MAST2: variants seen among roughly 807,000 people sequenced by gnomAD.
MAST2 encodes microtubule-associated serine/threonine-protein kinase 2.
Under a neutral mutation model 147.4 loss-of-function variants are expected in MAST2, and 70 were observed. The observed-to-expected ratio is 0.47, with a 90% CI of 0.39 to 0.58. The LOEUF (loss-of-function observed/expected upper bound fraction) is 0.58. Among genes scored for constraint, MAST2 ranks in the 20% least tolerant of loss-of-function variants. MAST2 has a pLI of 0.00. For missense variants in MAST2, 2,080 were observed against 2,302.3 expected (o/e 0.90, Z 1.98); for synonymous variants, 869 against 896.8 (o/e 0.97, Z 0.55).
chr1:45,975,053 A>C (rs1233530866), intron 5 of MAST2, among the ~76,000 whole-genome samples: 1 of 152,200 alleles, frequency 6.6e-6, no homozygotes, highest in Admixed American at 6.5e-5. Flanking sequence ...GAAATGAGCC[A>C]GCAGGATGTC....
intron 3 of MAST2, among the ~76,000 whole-genome samples, chr1:45,879,155 A>T (rs2148263610): frequency 6.6e-6 from 1 of 152,304 alleles, no homozygotes; most frequent in South Asian, 2.1e-4. Context: ...GGTTAAAAAA[A>T]AAATTGTTAG....
chr1:46,007,380 C>G (rs1250021018), intron 8 of MAST2, among the ~76,000 whole-genome samples: 1 of 152,160 alleles, frequency 6.6e-6, no homozygotes, highest in Non-Finnish European at 1.5e-5. Flanking sequence ...GTGCCTTTCT[C>G]TGTGTCACAG....
intron 4 of MAST2, among the ~76,000 whole-genome samples, chr1:45,924,044 G>A (rs1653962887): frequency 6.6e-6 from 1 of 152,010 alleles, no homozygotes; most frequent in East Asian, 1.9e-4. Flanking sequence ...GCTAATTTTT[G>A]TATTTTTAGT....
At chr1:45,861,007 A>T (rs766978607) in intron 3 of MAST2, among the ~76,000 whole-genome samples, 4 of 152,140 alleles carry the variant, frequency 2.6e-5, no homozygotes, top group Non-Finnish European at 4.4e-5. Flanking sequence ...CTTCACTAAA[A>T]TCGTAACTCT....
chr1:46,000,261 C>T (rs1645221063), intron 6 of MAST2, among the ~76,000 whole-genome samples: 1 of 152,160 alleles, frequency 6.6e-6, no homozygotes, highest in Non-Finnish European at 1.5e-5. Context: ...TTGCAGTGAG[C>T]CGAGATCGTG....
chr1:45,836,725 G>T (rs554457110), intron 3 of MAST2, among the ~76,000 whole-genome samples: 1 of 152,128 alleles, frequency 6.6e-6, no homozygotes, highest in East Asian at 1.9e-4. Context: ...AAATTCACCC[G>T]TTTTAAGTGT....
intron 4 of MAST2, among the ~76,000 whole-genome samples, chr1:45,897,842 T>G (rs1649008420): frequency 6.6e-6 from 1 of 151,124 alleles, no homozygotes; most frequent in Admixed American, 6.6e-5. Flanking sequence ...CAGTGGCTCA[T>G]ACTTGTAATC....
chr1:45,824,710 G>A, intron 2 of MAST2, 130 bp downstream of exon 2: 1 of 921,300 alleles, frequency 1.1e-6, no homozygotes, highest in Non-Finnish European at 1.6e-6. Context: ...TTTATGGTAA[G>A]GCTGTCTTCC....
intron 5 of MAST2, among the ~76,000 whole-genome samples, chr1:45,993,690 A>C (rs1445515877): frequency 6.6e-6 from 1 of 152,108 alleles, no homozygotes; most frequent in Non-Finnish European, 1.5e-5. Context: ...TCTCAAAAAA[A>C]AATTTTTTTT....
At chr1:45,818,358 C>A (rs1254750811) in intron 1 of MAST2, among the ~76,000 whole-genome samples, 2 of 152,148 alleles carry the variant, frequency 1.3e-5, no homozygotes, top group Non-Finnish European at 2.9e-5. Flanking sequence ...TGCTTTGGAG[C>A]TTCTTCTCAG....
At position 45,922,941 on chromosome 1, in the gene MAST2, T is replaced by C. The variant is rs1234740617; in HGVS notation, c.501-36445T>C. On this transcript the variant is annotated intron_variant, in intron 4 of 28. Coordinates refer to ENST00000361297, the MANE Select transcript of MAST2 (RefSeq NM_015112.3). ...GTGGTGACCGTGCCAGTTGTTTACA[T>C]GGTGATCTGCTCCATGGGGCTGGTG... is the stretch of plus-strand genomic sequence containing the variant. 3.9e-5 allele frequency among the ~76,000 whole-genome samples: 6 copies of C among 152,294 alleles called. No individual in the cohort carries two copies. In the South Asian group the frequency reaches 1.0e-3, roughly 26 times the overall value.
In MAST2 at chr1:46,030,624, G is replaced by A. The variant is rs1372267080; in HGVS notation, c.2571G>A (p.Glu857=). 1 of 1,610,774 alleles carries A rather than the reference G, an allele frequency of 6.2e-7. No individual in the cohort carries two copies. The highest frequency in any genetic ancestry group is 1.1e-5 in the South Asian group (1 of 90,354). Residue 857 remains glutamate, a synonymous_variant, in exon 22 of 29, where the codon GAG becomes GAA. Coordinates refer to ENST00000361297, the MANE Select transcript of MAST2 (RefSeq NM_015112.3). Reference sequence around the variant, plus strand: ...GCCCACAGGTGTACAGCAGCATGGAGCGGCTCTCACTGCTCGAGGAGCGCC... The same window carrying A: ...GCCCACAGGTGTACAGCAGCATGGAACGGCTCTCACTGCTCGAGGAGCGCC... ...PRFNKVYSSM[E]RLSLLEERRT...
At chr1:45,965,665 T>C (rs1167604261) in intron 5 of MAST2, among the ~76,000 whole-genome samples, 2 of 152,152 alleles carry the variant, frequency 1.3e-5, no homozygotes, top group African/African-American at 4.8e-5. Context: ...GTGTCAGTAA[T>C]GTCAGTTCAG....
intron 5 of MAST2, among the ~76,000 whole-genome samples, chr1:45,978,251 C>T (rs966445972): frequency 1.1e-4 from 17 of 152,310 alleles, no homozygotes; most frequent in African/African-American, 2.9e-4. Context: ...CGGTGGCTCA[C>T]GCCTGTAATG....
rs1158166673 is a variant in MAST2, at chr1:45,883,530, C to T, written c.500+1135C>T. Among the ~76,000 whole-genome samples, 5 of 152,282 alleles carry T rather than the reference C, an allele frequency of 3.3e-5. No homozygotes were observed. In the South Asian group the frequency reaches 1.0e-3, roughly 32 times the overall value. ...CAAATCACTTTATCTTCTTAAACCT[C>T]AGTTGCCTTATCTATAAAATGAAGA... On this transcript the variant is annotated intron_variant, in intron 4 of 28. Transcript: ENST00000361297.
Position 46,019,639 on chromosome 1 carries a change from A to G in MAST2, c.1232A>G (p.Gln411Arg), listed in dbSNP as rs1199529212. 4 of 1,614,058 alleles carry G rather than the reference A, an allele frequency of 2.5e-6. No individual in the cohort carries two copies. Among genetic ancestry groups the G allele is most frequent in the African/African-American group, 1.3e-5 (1 of 74,934 alleles). The change falls in exon 11 of 29, where the codon CAG (glutamine) becomes CGG (arginine). Residue 411 changes from glutamine (Q) to arginine (R), a missense_variant. Physicochemically the swap from Gln to Arg is conservative, Grantham distance 43. Transcript: ENST00000361297. ...AGCTCAGAAGTGGCTTTTGTGATGC[A>G]GCTGGTGAAAAAGCTGATGATTATC... The part of the protein sequence containing the change: ...SESSEVAFVM[Q>R]LVKKLMIIIA...
intron 4 of MAST2, among the ~76,000 whole-genome samples, chr1:45,906,318 C>G (rs912923158): frequency 2.0e-5 from 3 of 151,966 alleles, no homozygotes; most frequent in African/African-American, 7.3e-5. Flanking sequence ...CCTGTGTACA[C>G]TTAGGCTAAA....
chr1:45,907,802 C>T (rs1404556585), intron 4 of MAST2, among the ~76,000 whole-genome samples: 3 of 152,136 alleles, frequency 2.0e-5, no homozygotes, highest in Non-Finnish European at 4.4e-5. Flanking sequence ...TACTTCATAT[C>T]AGTGGAATCA....
Position 46,032,424 on chromosome 1 carries a change from C to T in MAST2, c.3414+20C>T. The T allele has an allele frequency of 6.2e-7, 1 of 1,611,368 alleles. No homozygotes were observed. Among genetic ancestry groups the T allele is most frequent in the Non-Finnish European group, 8.5e-7 (1 of 1,177,704 alleles). ...GTGTGGGTATGTCTGACCATCCAGACCTGCTGTCTCCCTGCTTCATCATCC... is the reference window on the plus strand; with the variant it reads ...GTGTGGGTATGTCTGACCATCCAGATCTGCTGTCTCCCTGCTTCATCATCC... On this transcript the variant is annotated intron_variant, in intron 25 of 28. Coordinates refer to ENST00000361297, the MANE Select transcript of MAST2 (RefSeq NM_015112.3).
Sources: allele counts gnomAD v4.1 joint callset (sites outside exome capture counted in the v4.1 genomes callset), GRCh38; gene constraint gnomAD v4.1.1; transcripts MANE v1.5; gene names NCBI Gene and HGNC (gene_info 2026-07-23, HGNC 2026-07-21).